Variants in CA6 observed in about 807,000 individuals in gnomAD.
CA6 encodes the protein carbonic anhydrase 6, also known as carbonate dehydratase VI.
Under a neutral mutation model 35.9 loss-of-function variants are expected in CA6, and 28 were observed. The observed-to-expected ratio is 0.78, with a 90% CI of 0.58 to 1.07. The LOEUF (loss-of-function observed/expected upper bound fraction) is 1.07, where lower values mean the gene tolerates loss of function less well. CA6 is among the 50% of genes least tolerant of loss of function. CA6 has a pLI of 0.00. For synonymous variants in CA6, 148 were observed against 152.6 expected (o/e 0.97, Z 0.22); for missense variants, 377 against 382.0 (o/e 0.99, Z 0.11).
chr1:8,955,625 C>CTTTTAAGGCCCTTCCACGCCTCT (rs1639656932), intron 2 of CA6, among the ~76,000 whole-genome samples: 2 of 148,910 alleles, frequency 1.3e-5, no homozygotes, highest in African/African-American at 5.1e-5. Flanking sequence ...TGCACGCCTC[C>CTTTTAAGGCCCTTCCACGCCTCT]TTTTAAGGCC....
intron 3 of CA6, among the ~76,000 whole-genome samples, chr1:8,958,062 T>G (rs1639737871): frequency 6.6e-6 from 1 of 152,206 alleles, no homozygotes; most frequent in Admixed American, 6.5e-5. Context: ...TGACAGGGGT[T>G]CAGGCAAGGT....
chr1:8,946,614 G>A (rs1639370112), intron 1 of CA6, among the ~76,000 whole-genome samples: 1 of 151,912 alleles, frequency 6.6e-6, no homozygotes, highest in Admixed American at 6.6e-5. Context: ...CATTTGCTTT[G>A]TTGGTCCGTG....
intron 4 of CA6, among the ~76,000 whole-genome samples, 177 bp from the exon 5 acceptor site, chr1:8,962,410 G>A (rs995777110): frequency 1.6e-4 from 24 of 152,040 alleles, no homozygotes; most frequent in African/African-American, 4.8e-4. Flanking sequence ...ATGAACCTGC[G>A]TGGTTGGTAG....
intron 1 of CA6, among the ~76,000 whole-genome samples, chr1:8,947,826 C>A (rs949099335): frequency 1.3e-5 from 2 of 150,774 alleles, no homozygotes; most frequent in African/African-American, 2.5e-5. Flanking sequence ...AACCAAAAAG[C>A]GGTGAGGGCC....
intron 4 of CA6, among the ~76,000 whole-genome samples, chr1:8,960,634 G>A (rs1236095232): frequency 1.3e-5 from 2 of 151,864 alleles, no homozygotes; most frequent in African/African-American, 4.8e-5. Context: ...AAAAGAATCA[G>A]TGCATTTGAA....
intron 4 of CA6, among the ~76,000 whole-genome samples, chr1:8,961,389 T>C (rs1281930956): frequency 6.6e-6 from 1 of 152,216 alleles, no homozygotes; most frequent in East Asian, 1.9e-4. Flanking sequence ...TTATAATATA[T>C]GTAGATATAA....
Position 8,974,751 on chromosome 1 carries a change from CT to C in CA6, c.*48del. ...AATATTAACTAGCTTGAAGCCTGAC[CT>C]AGCCAGAAGTGCCTGTCCGCTGCAG... On this transcript the variant is annotated 3_prime_UTR_variant, in exon 8 of 8. Coordinates refer to ENST00000377443, the MANE Select transcript of CA6 (RefSeq NM_001215.4). 1 of 1,143,606 alleles carries C rather than the reference CT, an allele frequency of 8.7e-7. No homozygotes were observed. Among genetic ancestry groups the C allele is most frequent in the Non-Finnish European group, 1.2e-6 (1 of 836,346 alleles). 70.8% of individuals were successfully genotyped at this position (1,143,606 alleles called of 1,614,324 possible).
At chr1:8,957,846 T>C (rs1639732065) in intron 3 of CA6, among the ~76,000 whole-genome samples, 1 of 151,098 alleles carries the variant, frequency 6.6e-6, no homozygotes, top group Non-Finnish European at 1.5e-5. Context: ...TAGTTCCAGC[T>C]TCTGAGGAGG....
At chr1:8,973,101 C>T (rs1209209053) in intron 7 of CA6, among the ~76,000 whole-genome samples, 1 of 152,096 alleles carries the variant, frequency 6.6e-6, no homozygotes, top group African/African-American at 2.4e-5. Flanking sequence ...CTCACTGCAA[C>T]CTCCGCCTCC....
chr1:8,974,620 A>G lies in CA6; in HGVS notation c.845-2A>G. On this transcript the variant is annotated splice_acceptor_variant, in intron 7 of 7. Coordinates refer to ENST00000377443, the MANE Select transcript of CA6 (RefSeq NM_001215.4). LOFTEE classifies it high-confidence loss of function. ...ATTTCCGACTAACTCTTCTTTTTAC[A>G]GAATACACTCTAGGCTCTGAATTCC... The G allele has an allele frequency of 1.3e-6, 2 of 1,597,512 alleles. No individual in the cohort carries two copies. Among genetic ancestry groups the G allele is most frequent in the South Asian group, 1.1e-5 (1 of 89,944 alleles).
At chr1:8,969,799 C>T (rs779739282) in intron 6 of CA6, among the ~76,000 whole-genome samples, 2 of 151,980 alleles carry the variant, frequency 1.3e-5, no homozygotes, top group Non-Finnish European at 2.9e-5. Context: ...GATTTAACAG[C>T]CACAGTGAAA....
chr1:8,947,313 G>C (rs561700477), intron 1 of CA6, among the ~76,000 whole-genome samples: 1 of 152,030 alleles, frequency 6.6e-6, no homozygotes, highest in Non-Finnish European at 1.5e-5. Context: ...GCTGGTGGCC[G>C]CTGGCTGATG....
chr1:8,968,647 A>T (rs1640031725), intron 6 of CA6, among the ~76,000 whole-genome samples: 1 of 152,192 alleles, frequency 6.6e-6, no homozygotes, highest in Non-Finnish European at 1.5e-5. Context: ...AGAGCAAAAA[A>T]GTATAAAAAT....
chr1:8,974,743 A>T lies in CA6; in HGVS notation c.*39A>T, dbSNP rs1216716379. 1 of 1,280,094 alleles carries T rather than the reference A, an allele frequency of 7.8e-7. No individual in the cohort carries two copies. Among genetic ancestry groups the T allele is most frequent in the Non-Finnish European group, 1.1e-6 (1 of 936,506 alleles). 79.3% of individuals were successfully genotyped at this position (1,280,094 alleles called of 1,614,324 possible). On this transcript the variant is annotated 3_prime_UTR_variant, in exon 8 of 8. Transcript: ENST00000377443. ...GAAGATTCAATATTAACTAGCTTGAAGCCTGACCTAGCCAGAAGTGCCTGT... is the reference window on the plus strand; with the variant it reads ...GAAGATTCAATATTAACTAGCTTGATGCCTGACCTAGCCAGAAGTGCCTGT...
At chr1:8,949,695 G>A (rs934950325) in intron 2 of CA6, among the ~76,000 whole-genome samples, 8 of 151,956 alleles carry the variant, frequency 5.3e-5, no homozygotes, top group Non-Finnish European at 1.0e-4. Flanking sequence ...CCTCTTACCC[G>A]AGCTCACCCA....
intron 2 of CA6, among the ~76,000 whole-genome samples, chr1:8,950,824 C>T (rs1639510451): frequency 6.6e-6 from 1 of 150,500 alleles, no homozygotes; most frequent in African/African-American, 2.4e-5. Flanking sequence ...GCCGAGATTA[C>T]CACTGTACTC....
chr1:8,971,096 A>C, intron 7 of CA6, 115 bp downstream of exon 7: 3 of 759,196 alleles, frequency 4.0e-6, no homozygotes, highest in Non-Finnish European at 6.9e-6. Context: ...TTTCAGTAGC[A>C]AGAGGCTCAG....
intron 6 of CA6, among the ~76,000 whole-genome samples, chr1:8,969,499 C>CA (rs1206922549): frequency 6.6e-6 from 1 of 151,780 alleles, no homozygotes; most frequent in Non-Finnish European, 1.5e-5. Flanking sequence ...AATGTCTAAT[C>CA]AAAATCCTAG....
chr1:8,949,648 G>A (rs1639472084), intron 2 of CA6, among the ~76,000 whole-genome samples: 1 of 152,028 alleles, frequency 6.6e-6, no homozygotes, highest in African/African-American at 2.4e-5. Flanking sequence ...TCCATCTTTC[G>A]ACTCAACTCC....
Sources: gnomAD v4.1 joint callset for allele counts (sites outside exome capture counted in the v4.1 genomes callset) on GRCh38, gnomAD v4.1.1 for gene constraint, MANE v1.5 for transcripts, NCBI Gene and HGNC (gene_info 2026-07-23, HGNC 2026-07-21) for gene names.